The following CNTN5 variants were observed in gnomAD, a reference collection of about 807,000 sequenced individuals.
CNTN5 encodes the protein contactin-5.
A neutral mutation model predicts 129.1 loss-of-function variants in CNTN5; 77 were observed. The observed-to-expected ratio is 0.60, with a 90% CI of 0.50 to 0.72. CNTN5 has a LOEUF of 0.72. Among genes scored for constraint, CNTN5 ranks in the 30% least tolerant of loss-of-function variants. The probability of loss-of-function intolerance (pLI) is 0.00; values close to 1 mark genes in which losing one functional copy is unlikely to be tolerated. For missense variants in CNTN5, 1,478 were observed against 1,328.8 expected, an observed-to-expected ratio of 1.11 and a Z score of -1.75; for synonymous variants, 509 against 465.6, an observed-to-expected ratio of 1.09 and a Z score of -1.20.
intron 1 of CNTN5, among the ~76,000 whole-genome samples, chr11:99,061,890 G>A (rs1364319034): frequency 3.3e-5 from 5 of 151,984 alleles, no homozygotes; most frequent in Admixed American, 3.3e-4. Flanking sequence ...TACCTGGGAG[G>A]TGGAGGTGGG....
chr11:100,036,280 A>G (rs1261233212), intron 9 of CNTN5, among the ~76,000 whole-genome samples: 1 of 151,890 alleles, frequency 6.6e-6, no homozygotes, highest in East Asian at 1.9e-4. Flanking sequence ...ATAGCTGTAG[A>G]TATGCGGCAT....
chr11:99,270,313 A>T (rs1032296837), intron 1 of CNTN5, among the ~76,000 whole-genome samples: 2 of 151,454 alleles, frequency 1.3e-5, no homozygotes, highest in Non-Finnish European at 3.0e-5. Context: ...TATTTTTCCA[A>T]ATTAATCTAC....
At chr11:99,885,631 G>A (rs1044233645) in intron 6 of CNTN5, among the ~76,000 whole-genome samples, 5 of 152,174 alleles carry the variant, frequency 3.3e-5, no homozygotes, top group Non-Finnish European at 7.3e-5. Context: ...TGCTTAGCAA[G>A]ATATTGGTGA....
intron 1 of CNTN5, among the ~76,000 whole-genome samples, chr11:99,224,989 A>C (rs1338439960): frequency 6.6e-6 from 1 of 152,160 alleles, no homozygotes; most frequent in Non-Finnish European, 1.5e-5. Flanking sequence ...TAGCTTTTCC[A>C]AAGAGAGACG....
At chr11:99,572,265 CAAAACA>C (rs1386172103) in intron 3 of CNTN5, among the ~76,000 whole-genome samples, 2 of 151,940 alleles carry the variant, frequency 1.3e-5, no homozygotes, top group Non-Finnish European at 2.9e-5. Context: ...AGCTGATGAG[CAAAACA>C]AAAACAAAAA....
Position 99,916,061 on chromosome 11 carries a change from A to G in CNTN5, c.585A>G (p.Gly195=), listed in dbSNP as rs772147602. 1 of 1,611,578 alleles carries G rather than the reference A, an allele frequency of 6.2e-7. No individual in the cohort carries two copies. Among genetic ancestry groups the G allele is most frequent in the Admixed American group, 1.7e-5 (1 of 59,700 alleles). The part of the protein sequence containing the change: ...REATLQFAYL[G]NFSGRTRSAV... ...GTTTTATTATGTTGACAGATCTGGG[A>G]AATTTTAGTGGCCGGACAAGAAGTG... The change falls in exon 7 of 25, where the codon GGA becomes GGG. Residue 195 remains glycine, a synonymous_variant. Transcript: ENST00000524871.
chr11:99,689,502 G>C (rs2134771277), intron 3 of CNTN5, among the ~76,000 whole-genome samples: 1 of 141,362 alleles, frequency 7.1e-6, no homozygotes. Flanking sequence ...ACTCTACCCT[G>C]GGCGACAGAG....
chr11:99,216,544 T>TCATATGCTGGATAATATGATCC (rs1565410736), intron 1 of CNTN5, among the ~76,000 whole-genome samples: 50 of 152,052 alleles, frequency 3.3e-4, no homozygotes, highest in African/African-American at 1.1e-3. Context: ...TCATATGATC[T>TCATATGCTGGATAATATGATCC]ATCATATGCT....
intron 2 of CNTN5, among the ~76,000 whole-genome samples, chr11:99,547,129 A>C (rs367676156): frequency 6.7e-6 from 1 of 148,564 alleles, no homozygotes; most frequent in East Asian, 2.0e-4. Context: ...TCAGCCTCCC[A>C]AGTAGCTGGG....
intron 2 of CNTN5, among the ~76,000 whole-genome samples, chr11:99,401,459 C>T (rs1471255185): frequency 1.3e-5 from 2 of 152,048 alleles, no homozygotes; most frequent in Admixed American, 1.3e-4. Flanking sequence ...TATGCCAGTA[C>T]AATATCATGT....
rs185924676 is a variant in CNTN5, at chr11:99,599,713, C to T, written c.55+43444C>T. Reference sequence around the variant, plus strand: ...TTCCTCAAAATCTTTGGGTGGCCATCATCAATGCATCAATGACATAATAAG... The same window carrying T: ...TTCCTCAAAATCTTTGGGTGGCCATTATCAATGCATCAATGACATAATAAG... On this transcript the variant is annotated intron_variant, in intron 3 of 24. Transcript: ENST00000524871. Among the ~76,000 whole-genome samples, 443 of 152,232 alleles carry T rather than the reference C, an allele frequency of 2.9e-3. 4 individuals are homozygous for T. The highest frequency in any genetic ancestry group is 0.01 in the African/African-American group (419 of 41,550).
intron 18 of CNTN5, among the ~76,000 whole-genome samples, chr11:100,288,023 A>T (rs1169770299): frequency 3.3e-5 from 5 of 152,068 alleles, no homozygotes; most frequent in Non-Finnish European, 5.9e-5. Flanking sequence ...GCCATTACAT[A>T]ATGGTAAAGG....
chr11:99,763,610 C>G (rs1944658205), intron 3 of CNTN5, among the ~76,000 whole-genome samples: 1 of 151,926 alleles, frequency 6.6e-6, no homozygotes. Flanking sequence ...TAGTCAAAAA[C>G]TAGAAAATAG....
chr11:99,218,064 T>C (rs1860216630), intron 1 of CNTN5, among the ~76,000 whole-genome samples: 1 of 152,146 alleles, frequency 6.6e-6, no homozygotes, highest in East Asian at 1.9e-4. Context: ...TTTTCTGTTT[T>C]ATGGTGGTAG....
chr11:99,747,115 T>A (rs1330333827), intron 3 of CNTN5, among the ~76,000 whole-genome samples: 4 of 152,220 alleles, frequency 2.6e-5, no homozygotes, highest in African/African-American at 9.6e-5. Context: ...TATTGTAGTT[T>A]CAGTGTACAG....
At chr11:99,828,060 G>A (rs1947023295) in intron 4 of CNTN5, among the ~76,000 whole-genome samples, 1 of 152,124 alleles carries the variant, frequency 6.6e-6, no homozygotes, top group Admixed American at 6.6e-5. Context: ...TATTTGATAA[G>A]TATGATTGTA....
At chr11:99,780,003 G>A (rs562259189) in intron 3 of CNTN5, among the ~76,000 whole-genome samples, 6 of 152,012 alleles carry the variant, frequency 3.9e-5, no homozygotes, top group African/African-American at 1.2e-4. Flanking sequence ...TTCTTGATAC[G>A]TATACGTGAA....
At chr11:99,045,495 T>C (rs527242324) in intron 1 of CNTN5, among the ~76,000 whole-genome samples, 1 of 152,360 alleles carries the variant, frequency 6.6e-6, no homozygotes, top group East Asian at 1.9e-4. Context: ...AATATAGTTG[T>C]ATCTGTATGT....
intron 6 of CNTN5, among the ~76,000 whole-genome samples, chr11:99,906,859 C>T (rs973734795): frequency 6.6e-6 from 1 of 151,898 alleles, no homozygotes; most frequent in Admixed American, 6.6e-5. Context: ...TGACTTCTTT[C>T]TTCTTTAGTC....
Sources: allele counts gnomAD v4.1 joint callset (sites outside exome capture counted in the v4.1 genomes callset), GRCh38; gene constraint gnomAD v4.1.1; transcripts MANE v1.5; gene names NCBI Gene and HGNC (gene_info 2026-07-23, HGNC 2026-07-21).